Variants in CFAP299 observed in about 807,000 individuals in gnomAD.
CFAP299 encodes cilia and flagella associated protein 299.
In CFAP299, 21 loss-of-function variants were observed where a neutral mutation model predicts 27.0. The observed-to-expected ratio is 0.78, with a 90% CI of 0.55 to 1.12. The LOEUF (loss-of-function observed/expected upper bound fraction) is 1.12. CFAP299 is among the 50% of genes most tolerant of loss of function. The probability of loss-of-function intolerance (pLI) is 0.00; values close to 1 mark genes in which losing one functional copy is unlikely to be tolerated. For missense variants in CFAP299, 310 were observed against 276.6 expected (o/e 1.12, Z -0.86); for synonymous variants, 104 against 98.1 (o/e 1.06, Z -0.36).
intron 2 of CFAP299, among the ~76,000 whole-genome samples, chr4:80,414,625 C>T (rs1042622209): frequency 1.3e-5 from 2 of 152,110 alleles, no homozygotes; most frequent in Non-Finnish European, 2.9e-5. Context: ...CTCATGTGCA[C>T]CTCCTCAAGA....
At chr4:80,893,123 C>A (rs1250806785) in intron 4 of CFAP299, among the ~76,000 whole-genome samples, 2 of 150,720 alleles carry the variant, frequency 1.3e-5, no homozygotes, top group African/African-American at 2.4e-5. Context: ...AAGAAAAAGC[C>A]CAATTTATAG....
intron 4 of CFAP299, among the ~76,000 whole-genome samples, chr4:80,912,403 C>T (rs1396709747): frequency 2.0e-5 from 3 of 152,108 alleles, no homozygotes. Flanking sequence ...TCTGCATGGC[C>T]TAAGAGAGAC....
intron 3 of CFAP299, among the ~76,000 whole-genome samples, chr4:80,695,304 T>A (rs899843402): frequency 2.0e-5 from 3 of 152,196 alleles, no homozygotes; most frequent in Admixed American, 1.3e-4. Flanking sequence ...TAGTGATTAT[T>A]TATGGACTGC....
At chr4:80,437,820 G>T (rs772152102) in intron 2 of CFAP299, among the ~76,000 whole-genome samples, 25 of 152,032 alleles carry the variant, frequency 1.6e-4, no homozygotes, top group Non-Finnish European at 3.2e-4. Context: ...TATTTTAATG[G>T]GCACTTTTGT....
chr4:80,605,467 A>G (rs1192625619), intron 3 of CFAP299, among the ~76,000 whole-genome samples: 1 of 152,204 alleles, frequency 6.6e-6, no homozygotes, highest in Admixed American at 6.5e-5. Context: ...ACTAGATTAT[A>G]TAGCCAAGAG....
chr4:80,451,742 A>C (rs1419416828), intron 2 of CFAP299, among the ~76,000 whole-genome samples: 1 of 152,244 alleles, frequency 6.6e-6, no homozygotes, highest in Non-Finnish European at 1.5e-5. Flanking sequence ...AGATTAATTC[A>C]GTCTTCTCCT....
At chr4:80,673,407 G>A (rs1462016660) in intron 3 of CFAP299, among the ~76,000 whole-genome samples, 1 of 152,100 alleles carries the variant, frequency 6.6e-6, no homozygotes, top group Non-Finnish European at 1.5e-5. Context: ...TTTTACATTT[G>A]CTGAGGCATG....
intron 2 of CFAP299, among the ~76,000 whole-genome samples, chr4:80,447,356 C>A (rs1728689761): frequency 6.6e-6 from 1 of 150,962 alleles, no homozygotes; most frequent in South Asian, 2.1e-4. Context: ...GGGATGGTCT[C>A]GATCTCCTGA....
chr4:80,828,382 T>G (rs1304307344), intron 3 of CFAP299, among the ~76,000 whole-genome samples: 2 of 152,012 alleles, frequency 1.3e-5, no homozygotes, highest in African/African-American at 4.8e-5. Flanking sequence ...AAAATAAACC[T>G]TCGCCTATGT....
At chr4:80,550,466 A>T (rs994934231) in intron 2 of CFAP299, among the ~76,000 whole-genome samples, 1 of 152,124 alleles carries the variant, frequency 6.6e-6, no homozygotes, top group Admixed American at 6.6e-5. Context: ...TAGACAAATT[A>T]TGCATTTTAT....
intron 2 of CFAP299, among the ~76,000 whole-genome samples, chr4:80,455,287 C>G (rs1729090049): frequency 6.6e-6 from 1 of 152,032 alleles, no homozygotes; most frequent in African/African-American, 2.4e-5. Flanking sequence ...TCGCCTACAC[C>G]CAGGAATGAA....
At chr4:80,724,237 A>G (rs994426948) in intron 3 of CFAP299, among the ~76,000 whole-genome samples, 3 of 152,164 alleles carry the variant, frequency 2.0e-5, no homozygotes, top group African/African-American at 4.8e-5. Context: ...AAAGAAAAGT[A>G]GAGCTTGAGT....
intron 3 of CFAP299, among the ~76,000 whole-genome samples, chr4:80,611,146 G>A (rs1370026424): frequency 6.6e-6 from 1 of 152,072 alleles, no homozygotes; most frequent in South Asian, 2.1e-4. Context: ...CTTTCAAGTA[G>A]GGGTGAAATT....
intron 5 of CFAP299, among the ~76,000 whole-genome samples, chr4:80,963,242 G>A (rs1738433259): frequency 6.6e-6 from 1 of 152,000 alleles, no homozygotes; most frequent in Admixed American, 6.6e-5. Flanking sequence ...AGTGACTCAT[G>A]GGGTTCAGCA....
At chr4:80,743,166 T>C (rs10434082) in intron 3 of CFAP299, among the ~76,000 whole-genome samples, 56,370 of 151,752 alleles carry the variant, frequency 0.37, 13,875 homozygotes, top group African/African-American at 0.7. Flanking sequence ...GAGGCCAAGG[T>C]GGGTGGACCA....
intron 2 of CFAP299, among the ~76,000 whole-genome samples, chr4:80,376,345 T>C (rs770960703): frequency 9.8e-5 from 15 of 152,362 alleles, no homozygotes; most frequent in Non-Finnish European, 2.1e-4. Flanking sequence ...TTTCTAGTTT[T>C]TGGCTTTTCC....
chr4:80,859,577 C>CCT (rs1732175071), intron 3 of CFAP299, among the ~76,000 whole-genome samples: 1 of 151,930 alleles, frequency 6.6e-6, no homozygotes, highest in African/African-American at 2.4e-5. Flanking sequence ...TTTAGCACTT[C>CCT]CTTCAGGAAC....
chr4:80,391,563 A>T (rs1725483579), intron 2 of CFAP299, among the ~76,000 whole-genome samples: 6 of 152,194 alleles, frequency 3.9e-5, no homozygotes, highest in Admixed American at 6.5e-5. Flanking sequence ...ATATGATTAT[A>T]ATGAACCTGA....
chr4:80,662,089 A>G lies in CFAP299; in HGVS notation c.333+78906A>G, dbSNP rs370523772. On this transcript the variant is annotated intron_variant, in intron 3 of 5. Transcript: ENST00000358105. Reference sequence around the variant, plus strand: ...TGCCCGAAACTTCATTAGCAATTTTAATTTCGCCCTGGTCCTGTGGTCCTG... The same window carrying G: ...TGCCCGAAACTTCATTAGCAATTTTGATTTCGCCCTGGTCCTGTGGTCCTG... Among the ~76,000 whole-genome samples, 22 of 152,276 alleles carry G rather than the reference A, an allele frequency of 1.4e-4. No individual in the cohort carries two copies. The East Asian group carries it at 3.1e-3, about 21-fold the overall frequency.
Sources: allele counts gnomAD v4.1 joint callset (sites outside exome capture counted in the v4.1 genomes callset), GRCh38; gene constraint gnomAD v4.1.1; transcripts MANE v1.5; gene names NCBI Gene and HGNC (gene_info 2026-07-23, HGNC 2026-07-21).